The following KIFC3 variants were observed in gnomAD, a reference collection of about 807,000 sequenced individuals.
KIFC3 encodes the protein kinesin family member C3.
Under a neutral mutation model 101.8 loss-of-function variants are expected in KIFC3, and 60 were observed. That is an observed-to-expected ratio of 0.59 (90% CI 0.48 to 0.73). KIFC3 has a LOEUF of 0.73. KIFC3 is among the 30% of genes least tolerant of loss of function. The pLI is 0.00. For missense variants in KIFC3, 966 were observed against 1,137.1 expected (o/e 0.85, Z 2.16); for synonymous variants, 476 against 482.7 (o/e 0.99, Z 0.18).
chr16:57,772,447 G>A (rs1485253573), intron 3 of KIFC3, 159 bp from the exon 4 acceptor site: 4 of 582,180 alleles, frequency 6.9e-6, no homozygotes, highest in Non-Finnish European at 9.2e-6. Context: ...TCACACCTGG[G>A]ACTTCAGGTG....
chr16:57,816,957 A>T (rs1369923248), intron 1 of KIFC3: 1 of 338,528 alleles, frequency 3.0e-6, no homozygotes, highest in Non-Finnish European at 5.9e-6. Context: ...CACTCACTAC[A>T]TGCCGGGCAC....
intron 3 of KIFC3, chr16:57,782,260 G>C (rs1598050535): frequency 1.8e-6 from 1 of 553,562 alleles, no homozygotes; most frequent in Admixed American, 6.3e-5. Flanking sequence ...GGGAAGTGAA[G>C]GCTCAGAGAG....
At chr16:57,783,207 C>T (rs1265209331) in intron 3 of KIFC3, among the ~76,000 whole-genome samples, 3 of 152,150 alleles carry the variant, frequency 2.0e-5, no homozygotes, top group African/African-American at 2.4e-5. Flanking sequence ...TTAGATACTA[C>T]GATTTCACTT....
chr16:57,814,059 A>G lies in KIFC3; in HGVS notation c.109-15777T>C, dbSNP rs573093177. ...ACACTGCCTCTCAAGGGCACAGTCA[A>G]TGGGGTACCTTGTCATTGTGGGTCA... On this transcript the variant is annotated intron_variant, in intron 1 of 2. Transcript: ENST00000563028. Among the ~76,000 whole-genome samples, 10 of 152,268 alleles carry G rather than the reference A, an allele frequency of 6.6e-5. No individual in the cohort carries two copies. The East Asian group carries it at 1.5e-3, about 23-fold the overall frequency.
chr16:57,830,750 A>T (rs1168307718), intron 1 of KIFC3: 1 of 152,222 alleles, frequency 6.6e-6, no homozygotes, highest in Non-Finnish European at 1.5e-5. Flanking sequence ...AGCAGTTGCA[A>T]GGAGTAAAAG....
At chr16:57,843,765 A>G (rs920307936) in intron 1 of KIFC3, among the ~76,000 whole-genome samples, 1 of 152,076 alleles carries the variant, frequency 6.6e-6, no homozygotes, top group African/African-American at 2.4e-5. Context: ...ATACCTTTAG[A>G]CATGTTTGCA....
rs199869651 is a variant in KIFC3, at chr16:57,770,671, C to G, written c.795G>C (p.Ser265=). 32 of 1,545,052 alleles carry G rather than the reference C, an allele frequency of 2.1e-5. No individual in the cohort carries two copies. The Admixed American group carries it at 6.5e-4, about 31-fold the overall frequency. Residue 265 remains serine (S), a synonymous_variant, in exon 7 of 20, where the codon TCG becomes TCC. Transcript: ENST00000445690. ...CGCTGAGGGCCTGCTTGGTCTTGGA[C>G]GACTCCACCTCCACTGTCTTGATGA... is the stretch of plus-strand genomic sequence containing the variant. ...KYVIKTVEVE[S]SKTKQALSES...
chr16:57,821,183 G>A (rs930895997), intron 1 of KIFC3, among the ~76,000 whole-genome samples: 3 of 151,956 alleles, frequency 2.0e-5, no homozygotes, highest in Non-Finnish European at 2.9e-5. Context: ...CCCAAAGCCT[G>A]GCAAAAGACT....
intron 1 of KIFC3, among the ~76,000 whole-genome samples, chr16:57,857,794 T>TA (rs2056203283): frequency 7.9e-6 from 1 of 126,666 alleles, no homozygotes; most frequent in African/African-American, 2.9e-5. Context: ...TCTTTTTTTT[T>TA]TTATTTCTTT....
intron 1 of KIFC3, among the ~76,000 whole-genome samples, chr16:57,811,195 G>T (rs972893117): frequency 1.3e-5 from 2 of 152,206 alleles, no homozygotes; most frequent in East Asian, 3.8e-4. Flanking sequence ...TTGAGTGGTT[G>T]CCAGGGCCTG....
At chr16:57,804,563 G>A (rs2054889268), upstream of KIFC3, among the ~76,000 whole-genome samples, 2 of 152,196 alleles carry the variant, frequency 1.3e-5, no homozygotes, top group Admixed American at 1.3e-4. Flanking sequence ...GCAAAACTCC[G>A]ATTTGAAACG....
In KIFC3 at chr16:57,775,666, A is replaced by T. The variant is rs16959374; in HGVS notation, c.316-3378T>A. Reference sequence around the variant, plus strand: ...GCCAGCAAGGGCCGTCCATGTCTCTAAGCCCAACAGGGGAGGGTCCCGAGT... The same window carrying T: ...GCCAGCAAGGGCCGTCCATGTCTCTTAGCCCAACAGGGGAGGGTCCCGAGT... On this transcript the variant is annotated intron_variant, in intron 3 of 19. Transcript: ENST00000445690. 4,476 of 985,530 alleles carry T rather than the reference A, an allele frequency of 4.5e-3. 178 individuals are homozygous for T. The African/African-American group carries it at 0.073, about 16-fold the overall frequency. 61.0% of individuals were successfully genotyped at this position (985,530 alleles called of 1,614,324 possible). A position where few individuals can be genotyped will look rare whatever the true frequency, so the allele number is the denominator to read the frequency against.
At chr16:57,828,757 A>G (rs957458085) in intron 1 of KIFC3, among the ~76,000 whole-genome samples, 19 of 151,776 alleles carry the variant, frequency 1.3e-4, no homozygotes, top group African/African-American at 4.4e-4. Flanking sequence ...GTAACAGCCC[A>G]CTCCCTACAG....
rs564196914 is a variant in KIFC3 at position 57,825,010 on chromosome 16, C to T, written c.109-26728G>A. 6.6e-5 allele frequency among the ~76,000 whole-genome samples: 10 copies of T among 152,288 alleles called. No individual in the cohort carries two copies. The East Asian group carries it at 1.4e-3, about 21-fold the overall frequency. On this transcript the variant is annotated intron_variant, in intron 1 of 2. Transcript: ENST00000563028. ...TCCCAAGCCTACTCAGATATCACTG[C>T]GGCCAGAACCAATGAGATGGATGGA...
intron 3 of KIFC3, among the ~76,000 whole-genome samples, chr16:57,787,806 A>G (rs1305785522): frequency 6.6e-6 from 1 of 152,192 alleles, no homozygotes; most frequent in Non-Finnish European, 1.5e-5. Flanking sequence ...ACCCCAGAAC[A>G]GGGCTCTGGG....
intron 1 of KIFC3, chr16:57,798,486 G>A (rs1344334718): frequency 1.7e-6 from 1 of 597,190 alleles, no homozygotes; most frequent in Admixed American, 3.0e-5. Flanking sequence ...ATTTGTTTCC[G>A]AATACGGAGG....
chr16:57,808,301 C>T (rs2054988906), intron 1 of KIFC3, among the ~76,000 whole-genome samples: 2 of 152,268 alleles, frequency 1.3e-5, no homozygotes, highest in African/African-American at 4.8e-5. Context: ...CTGAGAGTAG[C>T]ACGGGCCAAA....
intron 1 of KIFC3, among the ~76,000 whole-genome samples, chr16:57,844,434 G>GAAA (rs66460592): frequency 5.9e-5 from 7 of 117,966 alleles, no homozygotes; most frequent in East Asian, 5.0e-4. Context: ...CAGTCTCAGG[G>GAAA]AAAAAAAAAA....
At chr16:57,813,783 C>T (rs371045776) in intron 1 of KIFC3, 30 of 985,252 alleles carry the variant, frequency 3.0e-5, no homozygotes, top group East Asian at 2.3e-4. Flanking sequence ...GGAAGAGAAC[C>T]GGGGACTCGG....
Sources: gnomAD v4.1 joint callset for allele counts (sites outside exome capture counted in the v4.1 genomes callset) on GRCh38, gnomAD v4.1.1 for gene constraint, MANE v1.5 for transcripts, NCBI Gene and HGNC (gene_info 2026-07-23, HGNC 2026-07-21) for gene names.